Variants in SEC11A observed in about 807,000 individuals in gnomAD.
SEC11A encodes SEC11 homolog A, signal peptidase complex subunit, also known as signal peptidase complex catalytic subunit SEC11A.
SEC11A carries 14 observed loss-of-function variants against 25.6 expected under a neutral mutation model. That is an observed-to-expected ratio of 0.55 (90% CI 0.36 to 0.85). The LOEUF (loss-of-function observed/expected upper bound fraction) is 0.85. Among genes scored for constraint, SEC11A ranks in the 40% least tolerant of loss-of-function variants. The pLI, the probability that SEC11A is intolerant of heterozygous loss-of-function variation, is 0.01. For missense variants in SEC11A, 153 were observed against 222.9 expected, an observed-to-expected ratio of 0.69 and a Z score of 2.00; for synonymous variants, 83 against 76.4, an observed-to-expected ratio of 1.09 and a Z score of -0.45.
At chr15:84,694,940 A>C (rs1790547066) in intron 1 of SEC11A, among the ~76,000 whole-genome samples, 1 of 151,884 alleles carries the variant, frequency 6.6e-6, no homozygotes, top group African/African-American at 2.4e-5. Context: ...AAATACAAAA[A>C]TTAGCCAGGC....
chr15:84,703,747 T>C (rs542856880), intron 1 of SEC11A, among the ~76,000 whole-genome samples: 16 of 152,282 alleles, frequency 1.1e-4, no homozygotes, highest in Non-Finnish European at 1.9e-4. Context: ...GGAGGGGACA[T>C]CACTGGAAAG....
intron 1 of SEC11A, among the ~76,000 whole-genome samples, chr15:84,706,901 G>C (rs117598979): frequency 0.024 from 3,672 of 152,298 alleles, 70 homozygotes; most frequent in Non-Finnish European, 0.037. Context: ...TGTAGTTAGA[G>C]ATGGTAAGAC....
rs192762611 is a variant in SEC11A at position 84,681,802 on chromosome 15, C to A, written c.312-970G>T. On this transcript the variant is annotated intron_variant, in intron 3 of 5. Transcript: ENST00000268220. The stretch of plus-strand genomic sequence containing the variant: ...TACTAAAGAATTGTTTGGCCAGGGG[C>A]AGTGGCTCACTCCTGTAATCCTAGC... Among the ~76,000 whole-genome samples, 606 of 152,134 alleles carry A rather than the reference C, an allele frequency of 4.0e-3. 2 individuals are homozygous for A. The highest frequency in any genetic ancestry group is 0.014 in the African/African-American group (576 of 41,492).
At chr15:84,704,605 G>A (rs995880005) in intron 1 of SEC11A, among the ~76,000 whole-genome samples, 1 of 152,170 alleles carries the variant, frequency 6.6e-6, no homozygotes, top group Non-Finnish European at 1.5e-5. Context: ...GATACCCAGT[G>A]GGTCTGTGTG....
chr15:84,715,309 TACA>T (rs1193543047), intron 1 of SEC11A, among the ~76,000 whole-genome samples: 4 of 152,136 alleles, frequency 2.6e-5, no homozygotes, highest in Non-Finnish European at 4.4e-5. Context: ...ACTAAATAAT[TACA>T]ACAATATTCT....
chr15:84,713,754 A>G (rs1211947179), intron 1 of SEC11A, among the ~76,000 whole-genome samples: 1 of 152,200 alleles, frequency 6.6e-6, no homozygotes, highest in Non-Finnish European at 1.5e-5. Flanking sequence ...TTTAGAGCCT[A>G]TCTAGCAGGT....
At chr15:84,709,754 T>G (rs917097928) in intron 1 of SEC11A, among the ~76,000 whole-genome samples, 2 of 149,654 alleles carry the variant, frequency 1.3e-5, no homozygotes, top group Non-Finnish European at 3.0e-5. Flanking sequence ...CTTCTGTTCA[T>G]TTTTTTGAGA....
chr15:84,683,884 G>A (rs941292439), intron 3 of SEC11A, among the ~76,000 whole-genome samples: 2 of 152,172 alleles, frequency 1.3e-5, no homozygotes, highest in African/African-American at 4.8e-5. Flanking sequence ...AAAATACTGA[G>A]TGAAGGCATA....
intron 1 of SEC11A, among the ~76,000 whole-genome samples, chr15:84,696,594 T>C (rs1197711453): frequency 1.3e-5 from 2 of 152,202 alleles, no homozygotes; most frequent in African/African-American, 4.8e-5. Flanking sequence ...GGGTCAGATG[T>C]GTTCCAGGAT....
intron 4 of SEC11A, among the ~76,000 whole-genome samples, chr15:84,679,447 C>T (rs990235392): frequency 7.2e-5 from 11 of 152,348 alleles, no homozygotes; most frequent in Non-Finnish European, 1.5e-4. Flanking sequence ...GAGCATCTCT[C>T]GTGCTGTAAC....
intron 3 of SEC11A, 108 bp downstream of exon 3, chr15:84,687,517 G>A (rs2141889436): frequency 3.8e-6 from 3 of 798,948 alleles, no homozygotes; most frequent in Non-Finnish European, 5.6e-6. Context: ...ACTGGAAGAA[G>A]GCCTAGAGGT....
chr15:84,673,379 A>G (rs1232053005), intron 4 of SEC11A: 3 of 188,200 alleles, frequency 1.6e-5, no homozygotes, highest in Admixed American at 1.2e-4. Context: ...AGAAGTAGAC[A>G]TGGGAGACTT....
At chr15:84,693,165 C>G (rs977042324) in intron 1 of SEC11A, among the ~76,000 whole-genome samples, 15 of 152,096 alleles carry the variant, frequency 9.9e-5, no homozygotes, top group Non-Finnish European at 1.9e-4. Flanking sequence ...CACAACTGTC[C>G]TAGTCTCTTC....
At chr15:84,694,530 A>T (rs1596077525) in intron 1 of SEC11A, among the ~76,000 whole-genome samples, 1 of 152,208 alleles carries the variant, frequency 6.6e-6, no homozygotes, top group Non-Finnish European at 1.5e-5. Flanking sequence ...TGTAAAAAAA[A>T]GCAATATCCT....
chr15:84,676,921 T>C (rs980617406), intron 4 of SEC11A, among the ~76,000 whole-genome samples: 2 of 151,756 alleles, frequency 1.3e-5, no homozygotes, highest in African/African-American at 4.8e-5. Flanking sequence ...GGAGAGCCAA[T>C]CTCTACAAAA....
At chr15:84,709,134 G>C (rs1290495819) in intron 1 of SEC11A, among the ~76,000 whole-genome samples, 1 of 151,920 alleles carries the variant, frequency 6.6e-6, no homozygotes, top group Non-Finnish European at 1.5e-5. Flanking sequence ...AATTACATGT[G>C]ACATACATGT....
intron 1 of SEC11A, chr15:84,714,801 T>C (rs532189205): frequency 6.6e-6 from 1 of 152,342 alleles, no homozygotes; most frequent in East Asian, 1.9e-4. Flanking sequence ...TTAGTCCTTT[T>C]CTACACATTT....
intron 3 of SEC11A, among the ~76,000 whole-genome samples, chr15:84,687,101 A>T (rs1324255442): frequency 6.6e-6 from 1 of 151,984 alleles, no homozygotes; most frequent in African/African-American, 2.4e-5. Flanking sequence ...CGAACTCCTG[A>T]CCTCAGGTGA....
intron 1 of SEC11A, among the ~76,000 whole-genome samples, chr15:84,703,724 T>C (rs749585094): frequency 1.6e-4 from 24 of 152,192 alleles, no homozygotes; most frequent in African/African-American, 4.8e-4. Flanking sequence ...TTTGGCTGGA[T>C]GGACAGCGAC....
Sources: allele counts gnomAD v4.1 joint callset (sites outside exome capture counted in the v4.1 genomes callset), GRCh38; gene constraint gnomAD v4.1.1; transcripts MANE v1.5; gene names NCBI Gene and HGNC (gene_info 2026-07-23, HGNC 2026-07-21).